TMEM135: variants seen among roughly 807,000 people sequenced by gnomAD.
TMEM135 encodes the protein transmembrane protein 135, also known as peroxisomal membrane protein 52.
A neutral mutation model predicts 60.3 loss-of-function variants in TMEM135; 30 were observed. The ratio of observed to expected loss-of-function variants is 0.50; its 90% CI spans 0.37 to 0.68. The LOEUF (loss-of-function observed/expected upper bound fraction) is 0.68. TMEM135 is among the 30% of genes least tolerant of loss of function. The probability of loss-of-function intolerance (pLI) is 0.00; values close to 1 mark genes in which losing one functional copy is unlikely to be tolerated. For synonymous variants in TMEM135, 190 were observed against 186.7 expected, an observed-to-expected ratio of 1.02 and a Z score of -0.14; for missense variants, 468 against 548.8, an observed-to-expected ratio of 0.85 and a Z score of 1.47.
chr11:87,131,776 G>A (rs988385595), intron 4 of TMEM135, among the ~76,000 whole-genome samples: 2 of 152,120 alleles, frequency 1.3e-5, no homozygotes, highest in African/African-American at 4.8e-5. Context: ...ATACTGGTCC[G>A]TGGCCTGTTA....
chr11:87,152,273 A>T (rs1278339802), intron 4 of TMEM135, among the ~76,000 whole-genome samples: 1 of 150,002 alleles, frequency 6.7e-6, no homozygotes, highest in Non-Finnish European at 1.5e-5. Flanking sequence ...TGTGGTTTAT[A>T]CTCTTTTATT....
intron 6 of TMEM135, among the ~76,000 whole-genome samples, chr11:87,285,168 A>G (rs1439967692): frequency 1.3e-5 from 2 of 152,272 alleles, no homozygotes; most frequent in Admixed American, 1.3e-4. Flanking sequence ...ATTGTTGATC[A>G]TGTGTCAAAT....
intron 5 of TMEM135, among the ~76,000 whole-genome samples, chr11:87,229,501 G>A (rs931239743): frequency 6.6e-6 from 1 of 152,146 alleles, no homozygotes; most frequent in Non-Finnish European, 1.5e-5. Context: ...TAAGGGAATA[G>A]CTACTTTCAT....
intron 3 of TMEM135, among the ~76,000 whole-genome samples, chr11:87,076,521 G>T (rs997141878): frequency 4.6e-5 from 7 of 152,300 alleles, no homozygotes; most frequent in African/African-American, 1.7e-4. Context: ...CCTGCTTGTT[G>T]CTTTACCCCA....
chr11:87,086,631 T>C (rs1006580220), intron 3 of TMEM135, among the ~76,000 whole-genome samples: 5 of 152,018 alleles, frequency 3.3e-5, no homozygotes, highest in Non-Finnish European at 5.9e-5. Context: ...GCTGATTGGT[T>C]TGTGAGTATG....
intron 6 of TMEM135, among the ~76,000 whole-genome samples, chr11:87,272,099 G>A (rs148969041): frequency 1.6e-3 from 219 of 139,552 alleles, no homozygotes; most frequent in African/African-American, 4.6e-3. Context: ...TGTCACCCAG[G>A]CTGGAGTGCA....
At chr11:87,235,513 C>A (rs1940976823) in intron 5 of TMEM135, among the ~76,000 whole-genome samples, 1 of 151,930 alleles carries the variant, frequency 6.6e-6, no homozygotes, top group Non-Finnish European at 1.5e-5. Flanking sequence ...AATGGCAAAA[C>A]TACCATGCTT....
intron 3 of TMEM135, among the ~76,000 whole-genome samples, chr11:87,082,482 A>T (rs1715580712): frequency 6.6e-6 from 1 of 152,226 alleles, no homozygotes; most frequent in South Asian, 2.1e-4. Flanking sequence ...AAAAGAATTT[A>T]TAATTATGCC....
At chr11:87,218,477 T>A (rs1169902264) in intron 5 of TMEM135, among the ~76,000 whole-genome samples, 1 of 152,206 alleles carries the variant, frequency 6.6e-6, no homozygotes, top group Non-Finnish European at 1.5e-5. Flanking sequence ...CTTAGCTCCC[T>A]TGGGCTCTAT....
intron 4 of TMEM135, among the ~76,000 whole-genome samples, chr11:87,115,109 G>T (rs555838877): frequency 4.9e-4 from 74 of 152,244 alleles, no homozygotes; most frequent in African/African-American, 1.8e-3. Context: ...GCATTTAATA[G>T]TATAATGTAT....
In TMEM135 at chr11:87,049,803, G is replaced by A. The variant is rs1033911285; in HGVS notation, c.141+11617G>A. Among the ~76,000 whole-genome samples, 7 of 100,362 alleles carry A rather than the reference G, an allele frequency of 7.0e-5. 2 individuals are homozygous for A. Among genetic ancestry groups the A allele is most frequent in the African/African-American group, 3.3e-4 (7 of 21,084 alleles). The allele number at this position is 100,362 out of a possible 152,430, so 65.8% of individuals were successfully genotyped here. On this transcript the variant is annotated intron_variant, in intron 1 of 14. Coordinates refer to ENST00000305494, the MANE Select transcript of TMEM135 (RefSeq NM_022918.4). Reference sequence around the variant, plus strand: ...ATACCCAGGAATTGAACTCAGCTCTGCACCAAGCGGACCTAATAGACATCT... The same window carrying A: ...ATACCCAGGAATTGAACTCAGCTCTACACCAAGCGGACCTAATAGACATCT...
At chr11:87,183,967 A>G (rs1939589004) in intron 5 of TMEM135, among the ~76,000 whole-genome samples, 1 of 151,826 alleles carries the variant, frequency 6.6e-6, no homozygotes, top group Non-Finnish European at 1.5e-5. Flanking sequence ...AAAAAAAAAA[A>G]AAAAAAAAAA....
chr11:87,234,441 A>G (rs1406220894), intron 5 of TMEM135, among the ~76,000 whole-genome samples: 2 of 152,026 alleles, frequency 1.3e-5, no homozygotes, highest in African/African-American at 4.8e-5. Context: ...TTGCACTGTA[A>G]TATCCTTTTG....
intron 3 of TMEM135, among the ~76,000 whole-genome samples, chr11:87,090,781 A>C (rs956639314): frequency 6.6e-6 from 1 of 152,106 alleles, no homozygotes; most frequent in African/African-American, 2.4e-5. Context: ...TTTTCTGTAA[A>C]GTGTTCATAG....
chr11:87,236,587 ATG>A (rs2135373685), intron 5 of TMEM135, 49 bp from the exon 6 acceptor site: 3 of 1,541,996 alleles, frequency 1.9e-6, no homozygotes, highest in Non-Finnish European at 2.7e-6. Context: ...AGTCACTCAA[ATG>A]GTGATGTCAG....
chr11:87,195,320 TC>T (rs1939912426), intron 5 of TMEM135, among the ~76,000 whole-genome samples: 2 of 11,720 alleles, frequency 1.7e-4, no homozygotes, highest in Admixed American at 1.7e-3. Context: ...TCTCTTTCCT[TC>T]CTTCCTTCCT....
At chr11:87,290,364 TTTAA>T (rs1942243012) in intron 6 of TMEM135, among the ~76,000 whole-genome samples, 1 of 152,198 alleles carries the variant, frequency 6.6e-6, no homozygotes. Flanking sequence ...CTTAATGTAC[TTTAA>T]TTAAGATTAG....
intron 1 of TMEM135, among the ~76,000 whole-genome samples, chr11:87,067,051 A>G (rs1041862327): frequency 6.7e-6 from 1 of 150,140 alleles, no homozygotes; most frequent in Admixed American, 6.6e-5. Context: ...AAGTACTGGG[A>G]TTACAGGTGT....
At position 87,324,806 on chromosome 11, in the gene TMEM135, A is replaced by T; in HGVS notation, c.*3473A>T. The stretch of plus-strand genomic sequence containing the variant: ...TCCTTTGTTTCCCAAAGGCAAAAGT[A>T]TACATTTCTTACTAAGATATCTTAT... On this transcript the variant is annotated 3_prime_UTR_variant, in exon 15 of 15. Transcript: ENST00000305494. 4.4e-6 allele frequency: 2 copies of T among 453,988 alleles called. No homozygotes were observed. The highest frequency in any genetic ancestry group is 3.1e-5 in the South Asian group (2 of 64,464). 28.1% of individuals were successfully genotyped at this position (453,988 alleles called of 1,614,324 possible).
Sources: gnomAD v4.1 joint callset for allele counts (sites outside exome capture counted in the v4.1 genomes callset) on GRCh38, gnomAD v4.1.1 for gene constraint, MANE v1.5 for transcripts, NCBI Gene and HGNC (gene_info 2026-07-23, HGNC 2026-07-21) for gene names.